The following TMEM52B variants were observed in gnomAD, a reference collection of about 807,000 sequenced individuals.
TMEM52B encodes the protein transmembrane protein 52B, also known as chromosome 12 open reading frame 59.
A neutral mutation model predicts 16.1 loss-of-function variants in TMEM52B; 11 were observed. That is an observed-to-expected ratio of 0.68 (90% CI 0.43 to 1.13). TMEM52B has a LOEUF of 1.13. Ranked by LOEUF, TMEM52B falls within the 50% of genes most tolerant of loss-of-function variation. The pLI, the probability that TMEM52B is intolerant of heterozygous loss-of-function variation, is 0.00. For synonymous variants in TMEM52B, 101 were observed against 93.8 expected (o/e 1.08, Z -0.45); for missense variants, 243 against 230.4 (o/e 1.05, Z -0.35).
At chr12:10,184,632 G>GT (rs553857822) in intron 2 of TMEM52B, among the ~76,000 whole-genome samples, 26 of 150,002 alleles carry the variant, frequency 1.7e-4, no homozygotes, top group Non-Finnish European at 2.2e-4. Flanking sequence ...AAGAAACTAA[G>GT]TTTTTTTTTT....
chr12:10,176,888 A>G (rs1007221852), upstream of TMEM52B, among the ~76,000 whole-genome samples: 11 of 152,354 alleles, frequency 7.2e-5, no homozygotes, highest in South Asian at 4.1e-4. Flanking sequence ...AAACCCAGGT[A>G]TCCTGGCTAG....
chr12:10,184,054 G>A (rs1565427103), intron 2 of TMEM52B, among the ~76,000 whole-genome samples: 3 of 152,160 alleles, frequency 2.0e-5, no homozygotes, highest in Admixed American at 2.0e-4. Flanking sequence ...TAGAGGGGCT[G>A]AAGTTTAAGT....
intron 2 of TMEM52B, among the ~76,000 whole-genome samples, chr12:10,185,049 G>A (rs1339453180): frequency 6.6e-6 from 1 of 152,054 alleles, no homozygotes; most frequent in Non-Finnish European, 1.5e-5. Flanking sequence ...TTTGCAATAG[G>A]CACAGACATG....
chr12:10,179,902 G>A (rs890865357), intron 1 of TMEM52B, among the ~76,000 whole-genome samples: 3 of 152,190 alleles, frequency 2.0e-5, no homozygotes, highest in Non-Finnish European at 1.5e-5. Flanking sequence ...TGCCGCTGAA[G>A]TATTTTATCT....
chr12:10,181,779 C>T (rs907394513), intron 1 of TMEM52B, among the ~76,000 whole-genome samples: 38 of 151,300 alleles, frequency 2.5e-4, no homozygotes, highest in South Asian at 4.2e-4. Flanking sequence ...ATCCCAACAG[C>T]ACTTTGGGAG....
chr12:10,177,122 T>A (rs1037037850), upstream of TMEM52B, among the ~76,000 whole-genome samples: 1 of 152,202 alleles, frequency 6.6e-6, no homozygotes, highest in Non-Finnish European at 1.5e-5. Context: ...AGGAATTACA[T>A]AATAATTTAG....
At chr12:10,175,865 C>T (rs1415194655), upstream of TMEM52B, among the ~76,000 whole-genome samples, 1 of 152,192 alleles carries the variant, frequency 6.6e-6, no homozygotes, top group Non-Finnish European at 1.5e-5. Flanking sequence ...CCATAGTTGG[C>T]CACCTGACTT....
chr12:10,188,523 AGGAAGGAAGGAAG>A (rs758630183), intron 4 of TMEM52B, among the ~76,000 whole-genome samples: 1 of 97,600 alleles, frequency 1.0e-5, no homozygotes, highest in Non-Finnish European at 2.2e-5. Context: ...GAAGGAAGGA[AGGAAGGAAGGAAG>A]GAAAAGAAGA....
At chr12:10,176,553 G>A (rs995687008), upstream of TMEM52B, among the ~76,000 whole-genome samples, 3 of 152,132 alleles carry the variant, frequency 2.0e-5, no homozygotes, top group African/African-American at 4.8e-5. Flanking sequence ...TCAAGAATTA[G>A]AATATCAGGA....
intron 1 of TMEM52B, chr12:10,182,044 A>AAC: frequency 1.7e-6 from 1 of 584,870 alleles, no homozygotes; most frequent in Non-Finnish European, 2.1e-6. Context: ...AAAAAAACAA[A>AAC]AAAAAAAAAC....
At position 10,189,830 on chromosome 12, in the gene TMEM52B, G is replaced by T. The variant is rs375991964; in HGVS notation, c.308-66G>T. The stretch of plus-strand genomic sequence containing the variant: ...GAAGCGACAGTTAAGTGTGAAGTAA[G>T]TCTCTGCTGTCTGAGGGTGTCCTGT... On this transcript the variant is annotated intron_variant, in intron 4 of 4. Transcript: ENST00000543484. 13 of 1,578,286 alleles carry T rather than the reference G, an allele frequency of 8.2e-6. No individual in the cohort carries two copies. The South Asian group carries it at 1.0e-4, about 12-fold the overall frequency.
At chr12:10,172,241 G>A (rs1948729036) in intron 1 of TMEM52B, 1 of 565,076 alleles carries the variant, frequency 1.8e-6, no homozygotes, top group African/African-American at 1.9e-5. Flanking sequence ...ATATTGGGAA[G>A]TTCGCTGACG....
At chr12:10,180,499 C>G (rs562094665) in intron 1 of TMEM52B, among the ~76,000 whole-genome samples, 1 of 152,212 alleles carries the variant, frequency 6.6e-6, no homozygotes, top group African/African-American at 2.4e-5. Flanking sequence ...ACCATGGTTG[C>G]GTAGAGGAAA....
At chr12:10,171,528 G>T (rs1211580053) in intron 1 of TMEM52B, among the ~76,000 whole-genome samples, 1 of 152,192 alleles carries the variant, frequency 6.6e-6, no homozygotes, top group Non-Finnish European at 1.5e-5. Context: ...GTGCCTGAAG[G>T]ACTCTTACAG....
intron 1 of TMEM52B, among the ~76,000 whole-genome samples, chr12:10,173,018 TA>T (rs1948736363): frequency 6.6e-6 from 1 of 152,198 alleles, no homozygotes; most frequent in African/African-American, 2.4e-5. Context: ...ACTTGGAGCA[TA>T]ATAAGAAGCC....
chr12:10,182,719 C>G, intron 2 of TMEM52B, 126 bp downstream of exon 2: 1 of 1,002,360 alleles, frequency 1.0e-6, no homozygotes. Context: ...AGTAATAGAT[C>G]TCATAGATGA....
intron 2 of TMEM52B, among the ~76,000 whole-genome samples, chr12:10,184,642 T>C (rs917179619): frequency 3.3e-5 from 5 of 152,104 alleles, no homozygotes; most frequent in Non-Finnish European, 7.4e-5. Context: ...GTTTTTTTTT[T>C]CCTACATTCT....
intron 1 of TMEM52B, chr12:10,171,921 T>C (rs1180284129): frequency 9.5e-7 from 1 of 1,053,450 alleles, no homozygotes; most frequent in Non-Finnish European, 1.5e-6. Flanking sequence ...TTTAGCTTTC[T>C]AATCCCATTC....
In TMEM52B at chr12:10,173,423, C is replaced by T. The variant is rs111961872; in HGVS notation, c.-95+2572C>T. On this transcript the variant is annotated intron_variant, in intron 1 of 5. Transcript: ENST00000381923. ...AATATTGACAGCCTAATTAGGATTC[C>T]ATTTCCCTCCTCCTCCCTGTTTCCT... is the stretch of plus-strand genomic sequence containing the variant. Among the ~76,000 whole-genome samples the T allele has an allele frequency of 6.8e-4, 104 of 152,104 alleles. 3 individuals carry two copies. Among genetic ancestry groups the T allele is most frequent in the Middle Eastern group, 3.4e-3 (1 of 294 alleles).
Sources: allele counts gnomAD v4.1 joint callset (sites outside exome capture counted in the v4.1 genomes callset), GRCh38; gene constraint gnomAD v4.1.1; transcripts MANE v1.5; gene names NCBI Gene and HGNC (gene_info 2026-07-23, HGNC 2026-07-21).